The following TRIM66 variants were observed in gnomAD, a reference collection of about 807,000 sequenced individuals.
TRIM66 encodes the protein tripartite motif-containing protein 66.
Under a neutral mutation model 148.2 loss-of-function variants are expected in TRIM66, and 99 were observed. The ratio of observed to expected loss-of-function variants is 0.67; its 90% CI spans 0.57 to 0.79. The LOEUF (loss-of-function observed/expected upper bound fraction) is 0.79. Ranked by LOEUF, TRIM66 falls within the 30% of genes least tolerant of loss-of-function variation. The pLI is 0.00. For synonymous variants in TRIM66, 616 were observed against 635.9 expected (o/e 0.97, Z 0.47); for missense variants, 1,666 against 1,697.9 (o/e 0.98, Z 0.33).
At position 8,640,952 on chromosome 11, in the gene TRIM66, G is replaced by A. The variant is rs747441648; in HGVS notation, c.1423C>T (p.Pro475Ser). The A allele has an allele frequency of 6.4e-6, 10 of 1,551,036 alleles. No individual in the cohort carries two copies. In the African/African-American group the frequency reaches 1.1e-4, roughly 17 times the overall value. ...GGGGGGACCTGGCCTTTGAGGGAAG[G>A]CGAGACTGGGGAGCAGTGGGAGCAG... ...VCCSHCSPVS[P>S]SLKGQVPPPS... The change falls in exon 14 of 25, where the codon CCT (proline) becomes TCT (serine). Residue 475 changes from proline (P) to serine (S), a missense_variant. Around this residue, in one of 3 missense-constraint regions of TRIM66, gnomAD observed 1,431 missense variants for 1,412.4 expected, o/e 1.01. Transcript: ENST00000646038.
intron 1 of TRIM66, 79 bp downstream of exon 1, chr11:8,682,522 G>A (rs1050863858): frequency 5.9e-6 from 3 of 505,012 alleles, no homozygotes; most frequent in Non-Finnish European, 7.0e-6. Flanking sequence ...AAGCAAGCAC[G>A]GGCGGCGTGC....
intron 12 of TRIM66, among the ~76,000 whole-genome samples, chr11:8,643,564 G>A (rs1042042119): frequency 1.3e-5 from 2 of 151,892 alleles, no homozygotes; most frequent in South Asian, 2.1e-4. Context: ...GGATGGTCTC[G>A]ATCTCCTGAC....
intron 7 of TRIM66, among the ~76,000 whole-genome samples, chr11:8,651,314 G>C (rs894850268): frequency 1.3e-5 from 2 of 151,980 alleles, no homozygotes; most frequent in Admixed American, 1.3e-4. Flanking sequence ...GGAACAGAAG[G>C]GCTGCCGGCC....
intron 15 of TRIM66, among the ~76,000 whole-genome samples, chr11:8,630,204 C>T (rs1293145005): frequency 1.3e-5 from 2 of 152,118 alleles, no homozygotes; most frequent in African/African-American, 2.4e-5. Context: ...AAGCACTTCT[C>T]AAGAGCATGA....
In TRIM66 at chr11:8,671,873, AG is replaced by A; in HGVS notation, c.252del (p.Cys85AlafsTer13). The A allele has an allele frequency of 6.5e-7, 1 of 1,536,128 alleles. No individual in the cohort carries two copies. Among genetic ancestry groups the A allele is most frequent in the Non-Finnish European group, 8.7e-7 (1 of 1,146,868 alleles). ...CAGTCCTTACGGAGCAAATGCTGGC[AG>A]GATAGGAGATGAGAGCCCATACCTG... ...DLPGMGSHLL[S>X]CQHLLRKDCF... On this transcript the variant is annotated frameshift_variant, in exon 6 of 25. Transcript: ENST00000646038. LOFTEE classifies it high-confidence loss of function.
intron 3 of TRIM66, among the ~76,000 whole-genome samples, chr11:8,676,072 A>G (rs982458029): frequency 6.6e-6 from 1 of 152,232 alleles, no homozygotes. Context: ...TTGCAACTCA[A>G]TAGCACAAGC....
intron 15 of TRIM66, among the ~76,000 whole-genome samples, chr11:8,638,313 A>G (rs1565508559): frequency 6.6e-6 from 1 of 152,236 alleles, no homozygotes. Context: ...GCTCACTTCC[A>G]CAAATGTTGG....
intron 15 of TRIM66, among the ~76,000 whole-genome samples, chr11:8,637,882 C>T (rs1354839672): frequency 6.6e-6 from 1 of 152,156 alleles, no homozygotes; most frequent in African/African-American, 2.4e-5. Context: ...AGCACTGAGG[C>T]TCCAGCTAGA....
intron 21 of TRIM66, 22 bp downstream of exon 21, chr11:8,620,424 G>GT: frequency 6.4e-7 from 1 of 1,551,390 alleles, no homozygotes; most frequent in Non-Finnish European, 8.7e-7. Flanking sequence ...AGGGAACCTT[G>GT]TTTCCAAAGA....
chr11:8,658,594 T>C, intron 6 of TRIM66: 2 of 206,384 alleles, frequency 9.7e-6, no homozygotes, highest in Non-Finnish European at 8.5e-6. Flanking sequence ...GGAAGAATGA[T>C]GCAATCTGGG....
chr11:8,666,354 A>AAG (rs1347915617), intron 6 of TRIM66, among the ~76,000 whole-genome samples: 6 of 145,524 alleles, frequency 4.1e-5, no homozygotes, highest in Non-Finnish European at 7.5e-5. Flanking sequence ...AAAAAAAAAA[A>AAG]AAAAAAAAAA....
intron 15 of TRIM66, among the ~76,000 whole-genome samples, chr11:8,634,994 C>T (rs1270599846): frequency 6.6e-6 from 1 of 152,174 alleles, no homozygotes; most frequent in Non-Finnish European, 1.5e-5. Context: ...GATAAAACAA[C>T]CAATACCAAA....
rs772472991 is a variant in TRIM66, at chr11:8,625,197, G to T, written c.2342C>A (p.Ser781Tyr). Residue 781 changes from serine (S) to tyrosine (Y), a missense_variant, in exon 16 of 25, where the codon TCC (serine) becomes TAC (tyrosine). By Grantham distance (144) the Ser-to-Tyr change is moderately radical. Transcript: ENST00000646038. ...HSTSLSIMGF[S>Y]NTLEMELSST... Reference sequence around the variant, plus strand: ...TGACAACTCCATCTCCAGAGTGTTGGAAAAGCCCATGATGCTCAGCGAGGT... The same window carrying T: ...TGACAACTCCATCTCCAGAGTGTTGTAAAAGCCCATGATGCTCAGCGAGGT... 7 of 1,521,122 alleles carry T rather than the reference G, an allele frequency of 4.6e-6. No individual in the cohort carries two copies. The highest frequency in any genetic ancestry group is 5.3e-6 in the Non-Finnish European group (6 of 1,129,944). 94.2% of individuals were successfully genotyped at this position (1,521,122 alleles called of 1,614,324 possible).
rs376188016 is a variant in TRIM66, at chr11:8,619,417, C to T, written c.3866G>A (p.Arg1289His). ...TTPEEVVSDV[R>H]LMFWNCAKFN... ...CTTAGCACAGTTCCAGAACATGAGG[C>T]GCACATCTGATACCACCTCCTCTGG... The change falls in exon 23 of 25, where the codon CGC becomes CAC. Residue 1289 changes from arginine (R) to histidine (H), a missense_variant. Coordinates refer to ENST00000646038, the MANE Select transcript of TRIM66 (RefSeq NM_001388022.1). 90 of 1,533,184 alleles carry T rather than the reference C, an allele frequency of 5.9e-5. No homozygotes were observed. The highest frequency in any genetic ancestry group is 4.0e-4 in the South Asian group (32 of 80,486). 95.0% of individuals were successfully genotyped at this position (1,533,184 alleles called of 1,614,324 possible).
rs2033720339 is a variant in TRIM66, at chr11:8,616,348, C to G, written c.*1596G>C. On this transcript the variant is annotated 3_prime_UTR_variant, in exon 25 of 25. Coordinates refer to ENST00000646038, the MANE Select transcript of TRIM66 (RefSeq NM_001388022.1). Reference sequence around the variant, plus strand: ...AAAAAACTGCTCATTAGCAAAGGCCCTACAAACAAGAACATCCTTGAACTT... The same window carrying G: ...AAAAAACTGCTCATTAGCAAAGGCCGTACAAACAAGAACATCCTTGAACTT... The G allele has an allele frequency of 1.3e-5, 2 of 152,196 alleles. No homozygotes were observed. The highest frequency in any genetic ancestry group is 2.9e-5 in the Non-Finnish European group (2 of 68,044). The allele number at this position is 152,196 out of a possible 1,614,324, so 9.4% of individuals were successfully genotyped here. A position where few individuals can be genotyped will look rare whatever the true frequency, so the allele number is the denominator to read the frequency against.
chr11:8,648,515 T>C lies in TRIM66; in HGVS notation c.626A>G (p.Tyr209Cys), dbSNP rs1020071944. Residue 209 changes from tyrosine (Y) to cysteine (C), a missense_variant, in exon 9 of 25, where the codon TAT (tyrosine) becomes TGT (cysteine). This residue lies in a region of TRIM66 where 1,431 missense variants were observed against 1,412.4 expected (regional missense o/e 1.01). Coordinates refer to ENST00000646038, the MANE Select transcript of TRIM66 (RefSeq NM_001388022.1). Reference sequence around the variant, plus strand: ...TACTTCCTGTGTGTGTAGAGGACAATACAAGGTGAAGTCTCCGGGACCACC... The same window carrying C: ...TACTTCCTGTGTGTGTAGAGGACAACACAAGGTGAAGTCTCCGGGACCACC... ...VNGGPGDFTL[Y>C]CPLHTQEVLK... 7 of 1,551,654 alleles carry C rather than the reference T, an allele frequency of 4.5e-6. No individual in the cohort carries two copies. Among genetic ancestry groups the C allele is most frequent in the East Asian group, 2.4e-5 (1 of 40,910 alleles).
chr11:8,634,424 C>T (rs1422528972), intron 15 of TRIM66, among the ~76,000 whole-genome samples: 1 of 152,240 alleles, frequency 6.6e-6, no homozygotes, highest in African/African-American at 2.4e-5. Context: ...CTGTCTTAGC[C>T]TCCCAAAGTG....
intron 6 of TRIM66, among the ~76,000 whole-genome samples, chr11:8,671,329 C>A (rs946091547): frequency 2.0e-5 from 3 of 152,192 alleles, no homozygotes; most frequent in African/African-American, 7.2e-5. Flanking sequence ...CCTAGGAAAC[C>A]TGACATTCTG....
At chr11:8,676,021 C>T (rs2039162139) in intron 3 of TRIM66, among the ~76,000 whole-genome samples, 1 of 152,224 alleles carries the variant, frequency 6.6e-6, no homozygotes, top group African/African-American at 2.4e-5. Context: ...TGAGCCACCA[C>T]ATCGTCCATT....
Sources: gnomAD v4.1 joint callset for allele counts (sites outside exome capture counted in the v4.1 genomes callset) on GRCh38, gnomAD v4.1.1 for gene constraint, gnomAD v4.1.1 regional missense constraint, MANE v1.5 for transcripts, NCBI Gene and HGNC (gene_info 2026-07-23, HGNC 2026-07-21) for gene names.